Variants in SMAP1 observed in about 807,000 individuals in gnomAD.
The protein encoded by SMAP1 is stromal membrane-associated protein 1.
SMAP1 carries 24 observed loss-of-function variants against 58.5 expected under a neutral mutation model. The observed-to-expected ratio is 0.41, with a 90% CI of 0.30 to 0.58. The LOEUF (loss-of-function observed/expected upper bound fraction) is 0.58. Ranked by LOEUF, SMAP1 falls within the 20% of genes least tolerant of loss-of-function variation. The pLI is 0.29. For missense variants in SMAP1, 563 were observed against 566.3 expected (o/e 0.99, Z 0.06); for synonymous variants, 216 against 196.6 (o/e 1.10, Z -0.82).
chr6:70,745,533 C>A (rs1433530455), intron 2 of SMAP1, among the ~76,000 whole-genome samples: 2 of 151,910 alleles, frequency 1.3e-5, no homozygotes, highest in African/African-American at 2.4e-5. Flanking sequence ...ATTGGTCTAT[C>A]TCTCTGTTTT....
At chr6:70,788,176 C>G (rs2149937491) in intron 4 of SMAP1, among the ~76,000 whole-genome samples, 1 of 151,558 alleles carries the variant, frequency 6.6e-6, no homozygotes, top group South Asian at 2.1e-4. Flanking sequence ...TGGAAACCAT[C>G]ATTCTCAGCA....
intron 8 of SMAP1, among the ~76,000 whole-genome samples, chr6:70,854,192 T>A (rs1033100625): frequency 9.2e-5 from 14 of 152,230 alleles, no homozygotes; most frequent in Admixed American, 4.6e-4. Flanking sequence ...GGTTAATTTT[T>A]AAAATCATAT....
At chr6:70,782,395 G>T (rs1056253299) in intron 4 of SMAP1, among the ~76,000 whole-genome samples, 4 of 152,162 alleles carry the variant, frequency 2.6e-5, no homozygotes, top group Admixed American at 2.6e-4. Context: ...CCTGTTGAAT[G>T]TCAGGTGCTA....
intron 6 of SMAP1, among the ~76,000 whole-genome samples, chr6:70,825,164 C>T (rs536534442): frequency 6.6e-6 from 1 of 152,190 alleles, no homozygotes; most frequent in South Asian, 2.1e-4. Context: ...TATGTCCCAT[C>T]GGATTTACAA....
chr6:70,725,226 C>T (rs1768722780), intron 1 of SMAP1, among the ~76,000 whole-genome samples: 2 of 147,728 alleles, frequency 1.4e-5, no homozygotes, highest in Non-Finnish European at 3.0e-5. Flanking sequence ...ACATTATTCT[C>T]CTGCCTCAGT....
intron 2 of SMAP1, among the ~76,000 whole-genome samples, chr6:70,745,391 T>C (rs1264165676): frequency 1.3e-5 from 2 of 152,228 alleles, no homozygotes; most frequent in Non-Finnish European, 2.9e-5. Context: ...TTTCTACATA[T>C]GGCTAGCCAG....
intron 3 of SMAP1, among the ~76,000 whole-genome samples, chr6:70,766,572 TG>T (rs1302219177): frequency 6.6e-6 from 1 of 152,166 alleles, no homozygotes; most frequent in Admixed American, 6.5e-5. Flanking sequence ...TCCTGTCCTT[TG>T]CCCACTTTTT....
rs569809008 is a variant in SMAP1 at position 70,860,124 on chromosome 6, C to CCAA, written c.1270-74_1270-72dup. 2.0e-4 allele frequency: 288 copies of CCAA among 1,469,514 alleles called. 2 individuals are homozygous for CCAA. In the African/African-American group the frequency reaches 3.2e-3, roughly 17 times the overall value. 91.0% of individuals were successfully genotyped at this position (1,469,514 alleles called of 1,614,324 possible). A position where few individuals can be genotyped will look rare whatever the true frequency, so the allele number is the denominator to read the frequency against. ...AGTTGTCACATTAATGAAAAAATGA[C>CCAA]CAACTGTGTGGCTAAAGAAACAAGA... On this transcript the variant is annotated intron_variant, in intron 10 of 10. Coordinates refer to ENST00000370455, the MANE Select transcript of SMAP1 (RefSeq NM_001044305.3).
chr6:70,686,400 C>T lies in SMAP1; in HGVS notation c.118+18259C>T, dbSNP rs181946661. Among the ~76,000 whole-genome samples, 241 of 152,194 alleles carry T rather than the reference C, an allele frequency of 1.6e-3. 1 individual carries two copies. Among genetic ancestry groups the T allele is most frequent in the African/African-American group, 5.5e-3 (229 of 41,528 alleles). On this transcript the variant is annotated intron_variant, in intron 1 of 10. Coordinates refer to ENST00000370455, the MANE Select transcript of SMAP1 (RefSeq NM_001044305.3). ...GAAGAAAATTGTTTGGAATTTGTTT[C>T]GCAGCGGAAGGAATGTTATTAATAT...
At chr6:70,811,241 T>C (rs1769374299) in intron 6 of SMAP1, among the ~76,000 whole-genome samples, 1 of 152,182 alleles carries the variant, frequency 6.6e-6, no homozygotes, top group Non-Finnish European at 1.5e-5. Flanking sequence ...GAGTACCTAC[T>C]ACATGCCAAG....
intron 6 of SMAP1, among the ~76,000 whole-genome samples, chr6:70,805,305 T>G (rs1050589124): frequency 2.0e-5 from 3 of 152,204 alleles, no homozygotes; most frequent in Non-Finnish European, 4.4e-5. Flanking sequence ...CTATTGAAGC[T>G]TGTGCATGCG....
At chr6:70,840,904 A>G (rs1483861137) in intron 7 of SMAP1, among the ~76,000 whole-genome samples, 1 of 152,234 alleles carries the variant, frequency 6.6e-6, no homozygotes, top group Non-Finnish European at 1.5e-5. Flanking sequence ...CTATGTTAAA[A>G]TAGAATTAAA....
At chr6:70,780,900 T>G (rs563748624) in intron 4 of SMAP1, among the ~76,000 whole-genome samples, 2 of 152,366 alleles carry the variant, frequency 1.3e-5, no homozygotes, top group African/African-American at 2.4e-5. Flanking sequence ...GATGTCATAG[T>G]GTCTGAATTT....
chr6:70,745,942 A>C (rs974162212), intron 2 of SMAP1, among the ~76,000 whole-genome samples: 6 of 152,126 alleles, frequency 3.9e-5, no homozygotes, highest in Non-Finnish European at 8.8e-5. Context: ...AGCATTGTGA[A>C]TGGGAGTTCA....
rs1054821569 is a variant in SMAP1 at position 70,724,719 on chromosome 6, T to C, written c.119-7659T>C. Among the ~76,000 whole-genome samples, 26 of 152,230 alleles carry C rather than the reference T, an allele frequency of 1.7e-4. 1 individual carries two copies. The highest frequency in any genetic ancestry group is 1.6e-3 in the Admixed American group (25 of 15,276). On this transcript the variant is annotated intron_variant, in intron 1 of 10. Coordinates refer to ENST00000370455, the MANE Select transcript of SMAP1 (RefSeq NM_001044305.3). The stretch of plus-strand genomic sequence containing the variant: ...ATACCTACATGTCATCTTTTAGCAT[T>C]GCCGAGGCTTCTTTACAGGAAAACA...
At chr6:70,782,357 C>G (rs1767797859) in intron 4 of SMAP1, among the ~76,000 whole-genome samples, 2 of 152,154 alleles carry the variant, frequency 1.3e-5, no homozygotes, top group South Asian at 2.1e-4. Flanking sequence ...TCCTCTTTTC[C>G]TGTAACAGTT....
At chr6:70,824,487 T>C (rs930871416) in intron 6 of SMAP1, among the ~76,000 whole-genome samples, 2 of 152,156 alleles carry the variant, frequency 1.3e-5, no homozygotes, top group African/African-American at 4.8e-5. Flanking sequence ...GTCTCTGTAC[T>C]TATGAAGGTA....
chr6:70,736,309 C>T (rs971870977), intron 2 of SMAP1, among the ~76,000 whole-genome samples: 5 of 152,052 alleles, frequency 3.3e-5, no homozygotes, highest in Admixed American at 2.6e-4. Context: ...TGTGTTTGGT[C>T]TTGGGTTTAT....
At chr6:70,847,288 G>C (rs1771030099) in intron 7 of SMAP1, among the ~76,000 whole-genome samples, 3 of 152,140 alleles carry the variant, frequency 2.0e-5, no homozygotes. Flanking sequence ...GTCATGATGT[G>C]AAGTGGGCCA....
Sources: allele counts gnomAD v4.1 joint callset (sites outside exome capture counted in the v4.1 genomes callset), GRCh38; gene constraint gnomAD v4.1.1; transcripts MANE v1.5; gene names NCBI Gene and HGNC (gene_info 2026-07-23, HGNC 2026-07-21).